The following SLC5A11 variants were observed in gnomAD, a reference collection of about 807,000 sequenced individuals.
SLC5A11 encodes sodium/myo-inositol cotransporter 2.
In SLC5A11, 48 loss-of-function variants were observed where a neutral mutation model predicts 69.8. That is an observed-to-expected ratio of 0.69 (90% CI 0.55 to 0.87). The LOEUF (loss-of-function observed/expected upper bound fraction) is 0.87, where lower values mean the gene tolerates loss of function less well. SLC5A11 is among the 40% of genes least tolerant of loss of function. The pLI is 0.00. For missense variants in SLC5A11, 784 were observed against 866.1 expected, an observed-to-expected ratio of 0.91 and a Z score of 1.19; for synonymous variants, 319 against 342.4, an observed-to-expected ratio of 0.93 and a Z score of 0.75.
At chr16:24,874,693 C>T (rs2047554748) in intron 5 of SLC5A11, among the ~76,000 whole-genome samples, 1 of 152,052 alleles carries the variant, frequency 6.6e-6, no homozygotes, top group Non-Finnish European at 1.5e-5. Context: ...CACTCCGTCC[C>T]CCACCACACA....
chr16:24,869,987 A>G (rs906098821), exon 4 of SLC5A11: 1 of 1,613,302 alleles, frequency 6.2e-7, no homozygotes, highest in African/African-American at 1.3e-5. Flanking sequence ...GCATTTCTGT[A>G]TCAGCTTATG....
chr16:24,875,298 C>T (rs950318304), intron 5 of SLC5A11, among the ~76,000 whole-genome samples: 4 of 152,224 alleles, frequency 2.6e-5, no homozygotes, highest in African/African-American at 9.6e-5. Context: ...GATCCTTCCA[C>T]CTCAGCCACC....
At chr16:24,867,257 C>T (rs2046977554) in intron 3 of SLC5A11, among the ~76,000 whole-genome samples, 1 of 152,068 alleles carries the variant, frequency 6.6e-6, no homozygotes, top group Non-Finnish European at 1.5e-5. Flanking sequence ...TTAAACAACA[C>T]ACTTCTAAAT....
intron 9 of SLC5A11, among the ~76,000 whole-genome samples, chr16:24,894,041 A>G (rs2048987137): frequency 6.6e-6 from 1 of 152,212 alleles, no homozygotes; most frequent in South Asian, 2.1e-4. Context: ...TTTGCTAAAG[A>G]GCTGCTAGAC....
chr16:24,885,113 C>A (rs1206970369), intron 8 of SLC5A11, among the ~76,000 whole-genome samples: 1 of 152,146 alleles, frequency 6.6e-6, no homozygotes, highest in African/African-American at 2.4e-5. Flanking sequence ...TCGCCCAATT[C>A]TTCGTACCAG....
chr16:24,901,929 A>AC (rs1567684557), intron 10 of SLC5A11, among the ~76,000 whole-genome samples: 5 of 111,252 alleles, frequency 4.5e-5, no homozygotes, highest in African/African-American at 1.5e-4. Flanking sequence ...TGGAAAAAAA[A>AC]ATACACACAC....
chr16:24,849,572 C>CAAAAAAAAAA lies in SLC5A11; in HGVS notation c.-25+3147_-25+3156dup, dbSNP rs1182615959. 2.6e-3 allele frequency among the ~76,000 whole-genome samples: 100 copies of CAAAAAAAAAA among 38,468 alleles called. 7 individuals are homozygous for CAAAAAAAAAA. The highest frequency in any genetic ancestry group is 2.9e-3 in the African/African-American group (25 of 8,510). 25.2% of individuals were successfully genotyped at this position (38,468 alleles called of 152,430 possible). On this transcript the variant is annotated intron_variant, in intron 1 of 15. Transcript: ENST00000347898. ...ACAGAGCGAGACTCTGCCTTGGGGG[C>CAAAAAAAAAA]AAAAAAAAAAAAAAAAAAAAAATAT...
chr16:24,854,632 A>G (rs1325272067), intron 1 of SLC5A11, among the ~76,000 whole-genome samples: 1 of 152,038 alleles, frequency 6.6e-6, no homozygotes, highest in Non-Finnish European at 1.5e-5. Context: ...GGATTTCACC[A>G]TGTTACCCAG....
At chr16:24,855,525 T>A (rs2059491434) in intron 1 of SLC5A11, among the ~76,000 whole-genome samples, 1 of 151,440 alleles carries the variant, frequency 6.6e-6, no homozygotes, top group Non-Finnish European at 1.5e-5. Flanking sequence ...CTCTTGAGCC[T>A]AGGAGGTTGA....
At chr16:24,884,129 A>T (rs1298616961) in exon 8 of SLC5A11, 1 of 1,614,040 alleles carries the variant, frequency 6.2e-7, no homozygotes. Context: ...TTGATGGGCT[A>T]CAGTAAGTGG....
In SLC5A11 at chr16:24,861,571, GAGAA is replaced by G. The variant is rs149007103; in HGVS notation, c.136-1022_136-1019del. Among the ~76,000 whole-genome samples, 815 of 143,070 alleles carry G rather than the reference GAGAA, an allele frequency of 5.7e-3. 4 individuals carry two copies. The highest frequency in any genetic ancestry group is 0.02 in the African/African-American group (782 of 39,154). 93.9% of individuals were successfully genotyped at this position (143,070 alleles called of 152,430 possible). A position where few individuals can be genotyped will look rare whatever the true frequency, so the allele number is the denominator to read the frequency against. On this transcript the variant is annotated intron_variant, in intron 2 of 15. Transcript: ENST00000347898. ...AAATAAAAGAAAAGAAAGAAAGAGAGAGAAAGAAAGAGAAAGAGAAAGGAAGGAA... is the reference window on the plus strand; with the variant it reads ...AAATAAAAGAAAAGAAAGAAAGAGAGAGAAAGAGAAAGAGAAAGGAAGGAA...
At chr16:24,886,920 A>G (rs181466404) in intron 8 of SLC5A11, among the ~76,000 whole-genome samples, 2 of 152,290 alleles carry the variant, frequency 1.3e-5, no homozygotes, top group Admixed American at 1.3e-4. Context: ...GTGAGCTATT[A>G]TTGCACCACT....
chr16:24,880,977 G>A (rs1212891596), intron 7 of SLC5A11, among the ~76,000 whole-genome samples: 1 of 152,094 alleles, frequency 6.6e-6, no homozygotes, highest in Non-Finnish European at 1.5e-5. Context: ...GCCAAGGCAG[G>A]AGGATCAACT....
At chr16:24,858,810 A>G (rs1427253744) in intron 2 of SLC5A11, 32 bp downstream of exon 3, 1 of 1,599,228 alleles carries the variant, frequency 6.3e-7, no homozygotes, top group Non-Finnish European at 8.5e-7. Context: ...TGGGGGATGA[A>G]GAGAGAAGGA....
Position 24,896,942 on chromosome 16 carries a change from C to CTTTTTTTTTTTTTTTTTTT in SLC5A11, c.871-1022_871-1004dup, listed in dbSNP as rs869210839. On this transcript the variant is annotated intron_variant, in intron 9 of 15. Coordinates refer to ENST00000347898, the Ensembl canonical transcript of SLC5A11. ...CACCAGGAGTTAGACAACCTCCTTC[C>CTTTTTTTTTTTTTTTTTTT]TTTTTTTTTTTTTTTTTTTTTTTTT... Among the ~76,000 whole-genome samples, 5 of 97,092 alleles carry CTTTTTTTTTTTTTTTTTTT rather than the reference C, an allele frequency of 5.1e-5. 1 individual carries two copies. Among genetic ancestry groups the CTTTTTTTTTTTTTTTTTTT allele is most frequent in the Admixed American group, 1.2e-4 (1 of 8,402 alleles). The allele number at this position is 97,092 out of a possible 152,430, so 63.7% of individuals were successfully genotyped here. A position where few individuals can be genotyped will look rare whatever the true frequency, so the allele number is the denominator to read the frequency against.
At chr16:24,872,059 G>C in intron 4 of SLC5A11, 101 bp from the exon 6 acceptor site, 1 of 1,323,220 alleles carries the variant, frequency 7.6e-7, no homozygotes, top group Non-Finnish European at 1.1e-6. Flanking sequence ...CTACACCAGA[G>C]GTGGAGTTCA....
intron 9 of SLC5A11, among the ~76,000 whole-genome samples, chr16:24,895,760 G>T (rs2079258858): frequency 6.6e-6 from 1 of 152,128 alleles, no homozygotes; most frequent in Non-Finnish European, 1.5e-5. Flanking sequence ...CACTGCTAAT[G>T]CAGTTAGGTC....
At chr16:24,877,129 A>T in intron 6 of SLC5A11, 129 bp from the exon 8 acceptor site, 1 of 1,512,744 alleles carries the variant, frequency 6.6e-7, no homozygotes, top group Non-Finnish European at 8.9e-7. Flanking sequence ...TTAACAAGGG[A>T]TGACGTATGA....
chr16:24,910,828 C>G (rs150016967), intron 15 of SLC5A11, among the ~76,000 whole-genome samples: 1 of 152,114 alleles, frequency 6.6e-6, no homozygotes, highest in East Asian at 1.9e-4. Flanking sequence ...CATATTTTGG[C>G]TTAGCCCACC....
Sources: gnomAD v4.1 joint callset for allele counts (sites outside exome capture counted in the v4.1 genomes callset) on GRCh38, gnomAD v4.1.1 for gene constraint, MANE v1.5 for transcripts, NCBI Gene and HGNC (gene_info 2026-07-23, HGNC 2026-07-21) for gene names.